Variants in GRIP2 observed in about 807,000 individuals in gnomAD.
GRIP2 encodes glutamate receptor-interacting protein 2.
A neutral mutation model predicts 108.3 loss-of-function variants in GRIP2; 58 were observed. That is an observed-to-expected ratio of 0.54 (90% CI 0.43 to 0.67). The LOEUF (loss-of-function observed/expected upper bound fraction) is 0.67. GRIP2 is among the 30% of genes least tolerant of loss of function. The probability of loss-of-function intolerance (pLI) is 0.00; values close to 1 mark genes in which losing one functional copy is unlikely to be tolerated. For missense variants in GRIP2, 1,278 were observed against 1,430.6 expected, an observed-to-expected ratio of 0.89 and a Z score of 1.72; for synonymous variants, 586 against 598.2, an observed-to-expected ratio of 0.98 and a Z score of 0.30.
chr3:14,588,584 C>T, the GRIP2 span, among the ~76,000 whole-genome samples: 1 of 152,182 alleles, frequency 6.6e-6, no homozygotes, highest in Admixed American at 6.5e-5. Flanking sequence ...CACCTGCCTG[C>T]CCTTCAGGAC....
chr3:14,509,465 G>T (rs1253511684), intron 17 of GRIP2, among the ~76,000 whole-genome samples: 1 of 152,214 alleles, frequency 6.6e-6, no homozygotes, highest in Non-Finnish European at 1.5e-5. Flanking sequence ...CTGGGACCAG[G>T]GTACTGGGGC....
the GRIP2 span, among the ~76,000 whole-genome samples, chr3:14,570,108 G>A: frequency 4.7e-3 from 713 of 152,324 alleles, 4 homozygotes; most frequent in South Asian, 8.5e-3. Flanking sequence ...TAGCAATGGG[G>A]TGAAGGTGAG....
In GRIP2 at chr3:14,522,732, G is replaced by C. The variant is rs1341542364; in HGVS notation, c.566+268C>G. 8.6e-6 allele frequency: 4 copies of C among 466,486 alleles called. No individual in the cohort carries two copies. The highest frequency in any genetic ancestry group is 1.5e-5 in the Non-Finnish European group (4 of 258,216). 28.9% of individuals were successfully genotyped at this position (466,486 alleles called of 1,614,324 possible). ...CGGGAAAACCAAGGAGCAGGAAAGGGAAGAACGACACCAAGGCTGCCCCTC... is the reference window on the plus strand; with the variant it reads ...CGGGAAAACCAAGGAGCAGGAAAGGCAAGAACGACACCAAGGCTGCCCCTC... On this transcript the variant is annotated intron_variant, in intron 6 of 23. Transcript: ENST00000621039. This position sits in a 1 kb window ranked among gnomAD's most constrained non-coding sequence, Gnocchi z 4.3.
rs1693601778 is a variant in GRIP2 at position 14,496,407 on chromosome 3, C to A, written c.2823+10G>T. On this transcript the variant is annotated intron_variant, in intron 22 of 23. Transcript: ENST00000621039. The stretch of plus-strand genomic sequence containing the variant: ...GGTCCAGGTCTCCTGTGCTCACCCC[C>A]TGTGCCTACCTTGTGCATCTCCAAG... 2 of 1,605,250 alleles carry A rather than the reference C, an allele frequency of 1.2e-6. No homozygotes were observed. Among genetic ancestry groups the A allele is most frequent in the Non-Finnish European group, 1.7e-6 (2 of 1,174,856 alleles).
the GRIP2 span, among the ~76,000 whole-genome samples, chr3:14,561,648 C>A: frequency 6.6e-6 from 1 of 152,350 alleles, no homozygotes; most frequent in South Asian, 2.1e-4. Context: ...GCTCCAGAGG[C>A]CCCAGGTTGC....
chr3:14,526,504 A>G (rs1054486686), intron 1 of GRIP2, among the ~76,000 whole-genome samples: 1 of 152,176 alleles, frequency 6.6e-6, no homozygotes, highest in Admixed American at 6.5e-5. Flanking sequence ...CAGTTTATGA[A>G]TCACATTCTC....
At chr3:14,580,758 C>A in the GRIP2 span, among the ~76,000 whole-genome samples, 1 of 152,128 alleles carries the variant, frequency 6.6e-6, no homozygotes, top group Admixed American at 6.5e-5. Flanking sequence ...GCTTTAGTGC[C>A]CAGTTGTTTG....
At chr3:14,495,561 C>T (rs893542938) in intron 22 of GRIP2, among the ~76,000 whole-genome samples, 1 of 152,156 alleles carries the variant, frequency 6.6e-6, no homozygotes, top group Non-Finnish European at 1.5e-5. Context: ...CGTGTGCCAC[C>T]ATGCCCAGCT....
intron 17 of GRIP2, 33 bp downstream of exon 17, chr3:14,509,787 C>T (rs546186310): frequency 2.1e-6 from 3 of 1,409,900 alleles, no homozygotes; most frequent in Non-Finnish European, 2.8e-6. Flanking sequence ...GTTCCCTGAG[C>T]CCACCATGCG....
intron 21 of GRIP2, among the ~76,000 whole-genome samples, chr3:14,499,617 G>A (rs555146642): frequency 6.6e-6 from 1 of 152,134 alleles, no homozygotes; most frequent in Non-Finnish European, 1.5e-5. Flanking sequence ...CCAGCTACTC[G>A]GGTGGCAGAG....
intron 11 of GRIP2, 107 bp from the exon 12 acceptor site, chr3:14,514,585 A>AG: frequency 8.5e-7 from 1 of 1,170,192 alleles, no homozygotes; most frequent in Non-Finnish European, 1.2e-6. Context: ...AGTGCAAGGA[A>AG]GTGGGAGCCC....
At position 14,492,518 on chromosome 3, in the gene GRIP2, A is replaced by G. The variant is rs1215017983; in HGVS notation, c.*1147T>C. 1.3e-5 allele frequency: 2 copies of G among 152,236 alleles called. No homozygotes were observed. The highest frequency in any genetic ancestry group is 2.4e-5 in the African/African-American group (1 of 41,452). 9.4% of individuals were successfully genotyped at this position (152,236 alleles called of 1,614,324 possible). On this transcript the variant is annotated 3_prime_UTR_variant, in exon 24 of 24. Transcript: ENST00000621039. ...GGGATGCTGGTGCTTCCAGATTTCAAGTGGGAATAGACTTCTTTGAATAAG... is the reference window on the plus strand; with the variant it reads ...GGGATGCTGGTGCTTCCAGATTTCAGGTGGGAATAGACTTCTTTGAATAAG...
chr3:14,582,750 C>T, the GRIP2 span, among the ~76,000 whole-genome samples: 15 of 152,324 alleles, frequency 9.8e-5, no homozygotes, highest in African/African-American at 3.4e-4. Flanking sequence ...GGGTGTCTCC[C>T]TCCCTCTCTA....
chr3:14,504,030 T>G, intron 20 of GRIP2: 1 of 272,038 alleles, frequency 3.7e-6, no homozygotes, highest in Non-Finnish European at 7.1e-6. Context: ...GGACGGCCCC[T>G]GGCCCCACCC....
At chr3:14,601,066 TCACACACA>T in the GRIP2 span, among the ~76,000 whole-genome samples, 2 of 148,918 alleles carry the variant, frequency 1.3e-5, no homozygotes, top group Admixed American at 6.7e-5. Flanking sequence ...TCTCTCTCTC[TCACACACA>T]CACACACACA....
At chr3:14,548,658 G>A (rs990000397) in intron 1 of GRIP2, among the ~76,000 whole-genome samples, 1 of 152,214 alleles carries the variant, frequency 6.6e-6, no homozygotes, top group Admixed American at 6.5e-5. Context: ...GAAGGAAAGG[G>A]CCAGCATTTG....
chr3:14,536,665 G>A (rs773340928), intron 1 of GRIP2, among the ~76,000 whole-genome samples: 2 of 152,214 alleles, frequency 1.3e-5, no homozygotes, highest in Non-Finnish European at 1.5e-5. Flanking sequence ...ATGGGAGAGC[G>A]GGGGCGCAGT....
chr3:14,529,855 C>A (rs1694663530), intron 1 of GRIP2, among the ~76,000 whole-genome samples: 1 of 152,156 alleles, frequency 6.6e-6, no homozygotes, highest in Non-Finnish European at 1.5e-5. Context: ...TGTGGGAATT[C>A]TATTCAGCCT....
At chr3:14,536,398 C>G (rs1168237105) in intron 1 of GRIP2, among the ~76,000 whole-genome samples, 1 of 152,198 alleles carries the variant, frequency 6.6e-6, no homozygotes, top group Non-Finnish European at 1.5e-5. Flanking sequence ...TGCCCTGAAC[C>G]CTTGGCTCTG....
Sources: gnomAD v4.1 joint callset for allele counts (sites outside exome capture counted in the v4.1 genomes callset) on GRCh38, gnomAD v4.1.1 for gene constraint, Gnocchi (gnomAD v3.1) non-coding constraint, MANE v1.5 for transcripts, NCBI Gene and HGNC (gene_info 2026-07-23, HGNC 2026-07-21) for gene names.